Variants in TAPBPL observed in about 807,000 individuals in gnomAD.
TAPBPL encodes the protein TAP binding protein like.
A neutral mutation model predicts 44.8 loss-of-function variants in TAPBPL; 32 were observed. The ratio of observed to expected loss-of-function variants is 0.71; its 90% CI spans 0.54 to 0.96. TAPBPL has a LOEUF of 0.96. TAPBPL is among the 40% of genes least tolerant of loss of function. TAPBPL has a pLI of 0.00. For missense variants in TAPBPL, 520 were observed against 586.6 expected, an observed-to-expected ratio of 0.89 and a Z score of 1.17; for synonymous variants, 230 against 240.7, an observed-to-expected ratio of 0.96 and a Z score of 0.41.
At position 6,460,894 on chromosome 12, in the gene TAPBPL, T is replaced by C; in HGVS notation, c.1247T>C (p.Leu416Pro). 2 of 1,614,114 alleles carry C rather than the reference T, an allele frequency of 1.2e-6. No homozygotes were observed. ...TALGVIFASSLFLLALMFLGL... is the reference protein window; with the variant it reads ...TALGVIFASSPFLLALMFLGL... Reference sequence around the variant, plus strand: ...TTGGGAGTCATCTTTGCCAGCAGTCTCTTCCTTCTTGCACTGATGTTCCTG... The same window carrying C: ...TTGGGAGTCATCTTTGCCAGCAGTCCCTTCCTTCTTGCACTGATGTTCCTG... The change falls in exon 6 of 7, where the codon CTC (leucine) becomes CCC (proline). Residue 416 changes from leucine to proline, a missense_variant. Coordinates refer to ENST00000266556, the MANE Select transcript of TAPBPL (RefSeq NM_018009.5).
intron 4 of TAPBPL, 44 bp from the exon 5 acceptor site, chr12:6,458,601 C>G (rs747638148): frequency 6.3e-7 from 1 of 1,597,720 alleles, no homozygotes; most frequent in South Asian, 1.1e-5. Flanking sequence ...TCCGCTGTCC[C>G]CAGTTAGATC....
downstream of TAPBPL, chr12:6,463,128 C>T: frequency 6.7e-7 from 1 of 1,489,800 alleles, no homozygotes; most frequent in South Asian, 1.3e-5. The surrounding 1 kb of genome is among the most constrained non-coding windows in gnomAD (Gnocchi z 4.0). Context: ...AGATCCCATC[C>T]TCAGGTTCCA....
At chr12:6,471,810 G>C in the TAPBPL span, among the ~76,000 whole-genome samples, 1 of 145,696 alleles carries the variant, frequency 6.9e-6, no homozygotes, top group Non-Finnish European at 1.5e-5. This position sits in a 1 kb window ranked among gnomAD's most constrained non-coding sequence, Gnocchi z 4.0. Context: ...CTGGGCAACA[G>C]AGCAAGACCC....
At chr12:6,462,672 G>A (rs755802125), downstream of TAPBPL, 1 of 785,498 alleles carries the variant, frequency 1.3e-6, no homozygotes, top group Non-Finnish European at 2.0e-6. Flanking sequence ...GGCTGGGAGA[G>A]CCAAGAGGAC....
At position 6,462,311 on chromosome 12, in the gene TAPBPL, G is replaced by T; in HGVS notation, c.*162G>T. 1 of 600,494 alleles carries T rather than the reference G, an allele frequency of 1.7e-6. No individual in the cohort carries two copies. Among genetic ancestry groups the T allele is most frequent in the Non-Finnish European group, 2.9e-6 (1 of 340,004 alleles). 37.2% of individuals were successfully genotyped at this position (600,494 alleles called of 1,614,324 possible). On this transcript the variant is annotated 3_prime_UTR_variant, in exon 7 of 7. Transcript: ENST00000266556. ...TTGGTAAATATGCCACATGCCTTTGGTGGAAGTACAACTGTTGTTATTACT... is the reference window on the plus strand; with the variant it reads ...TTGGTAAATATGCCACATGCCTTTGTTGGAAGTACAACTGTTGTTATTACT...
At chr12:6,468,481 G>T (rs1486426175), downstream of TAPBPL, among the ~76,000 whole-genome samples, 1 of 152,162 alleles carries the variant, frequency 6.6e-6, no homozygotes, top group Non-Finnish European at 1.5e-5. Flanking sequence ...GGGGCCCAAA[G>T]CAATTACATT....
intron 4 of TAPBPL, among the ~76,000 whole-genome samples, chr12:6,458,045 C>A (rs1448838133): frequency 3.3e-5 from 5 of 152,206 alleles, no homozygotes; most frequent in East Asian, 1.9e-4. Context: ...CAAACCAAGG[C>A]AGAGCAGTGG....
the TAPBPL span, among the ~76,000 whole-genome samples, chr12:6,472,000 C>G: frequency 6.6e-6 from 1 of 152,104 alleles, no homozygotes; most frequent in Non-Finnish European, 1.5e-5. The surrounding 1 kb of genome is among the most constrained non-coding windows in gnomAD (Gnocchi z 4.0). Flanking sequence ...GGTAACTATC[C>G]CTAAAACTTC....
chr12:6,457,382 T>G (rs1247322685), intron 3 of TAPBPL, 24 bp from the exon 4 acceptor site: 1 of 1,596,590 alleles, frequency 6.3e-7, no homozygotes, highest in Non-Finnish European at 8.6e-7. Context: ...AGCCCACAAA[T>G]CACCCCTCTT....
chr12:6,461,450 G>A lies in TAPBPL; in HGVS notation c.1291+512G>A, dbSNP rs865859848. The A allele has an allele frequency of 5.0e-6, 5 of 999,922 alleles. No homozygotes were observed. In the South Asian group the frequency reaches 1.6e-4, roughly 33 times the overall value. The allele number at this position is 999,922 out of a possible 1,614,324, so 61.9% of individuals were successfully genotyped here. A position where few individuals can be genotyped will look rare whatever the true frequency, so the allele number is the denominator to read the frequency against. Reference sequence around the variant, plus strand: ...GGAAATGGAGAAGGAACAAGTGAGGGACAATGAGGCATGGGTTGGGGCTGG... The same window carrying A: ...GGAAATGGAGAAGGAACAAGTGAGGAACAATGAGGCATGGGTTGGGGCTGG... On this transcript the variant is annotated intron_variant, in intron 6 of 6. Coordinates refer to ENST00000266556, the MANE Select transcript of TAPBPL (RefSeq NM_018009.5).
At chr12:6,470,662 T>A (rs1013326450), downstream of TAPBPL, 10 of 1,239,274 alleles carry the variant, frequency 8.1e-6, no homozygotes, top group Non-Finnish European at 1.2e-5. Context: ...GCGGTCTAGC[T>A]GCGCTGGAAC....
At chr12:6,464,815 C>T, downstream of TAPBPL, 8 of 1,604,716 alleles carry the variant, frequency 5.0e-6, no homozygotes, top group Non-Finnish European at 6.8e-6. Context: ...ACTCCCCAGG[C>T]AGGCAGGCAG....
Position 6,455,187 on chromosome 12 carries a change from A to G in TAPBPL, c.565+1471A>G, listed in dbSNP as rs147369636. On this transcript the variant is annotated intron_variant, in intron 3 of 6. Coordinates refer to ENST00000266556, the MANE Select transcript of TAPBPL (RefSeq NM_018009.5). ...CTCCCCCGACTCCTCATGTGTGTAT[A>G]TGTGTACGTGTGTATTTTCCTCTGA... Among the ~76,000 whole-genome samples the G allele has an allele frequency of 4.9e-3, 746 of 152,286 alleles. 4 individuals are homozygous for G. Among genetic ancestry groups the G allele is most frequent in the Middle Eastern group, 0.017 (5 of 294 alleles).
chr12:6,459,180 A>G (rs1949781010), intron 5 of TAPBPL, among the ~76,000 whole-genome samples: 1 of 152,208 alleles, frequency 6.6e-6, no homozygotes, highest in Admixed American at 6.5e-5. Context: ...CAATGTGCTT[A>G]AGGCTGGAGA....
downstream of TAPBPL, chr12:6,464,968 C>A: frequency 6.2e-7 from 1 of 1,612,756 alleles, no homozygotes; most frequent in Non-Finnish European, 8.5e-7. Flanking sequence ...AAAAAATGAG[C>A]CCTTGGATTT....
At position 6,453,131 on chromosome 12, in the gene TAPBPL, G is replaced by A. The variant is rs1949605696; in HGVS notation, c.129G>A (p.Lys43=). 1.3e-6 allele frequency: 2 copies of A among 1,593,066 alleles called. No individual in the cohort carries two copies. Among genetic ancestry groups the A allele is most frequent in the Non-Finnish European group, 1.7e-6 (2 of 1,170,302 alleles). The part of the protein sequence containing the change: ...VDVVLDCFLA[K]DGAHRGALAS... ...TGGTCCTAGACTGCTTCCTGGCGAA[G>A]GACGGTGCGCACCGTGGAGCTCTCG... Residue 43 remains lysine (K), a synonymous_variant, in exon 2 of 7, where the codon AAG becomes AAA. Transcript: ENST00000266556. The surrounding 1 kb of genome is among the most constrained non-coding windows in gnomAD (Gnocchi z 4.8).
chr12:6,470,626 A>T (rs1016065420), downstream of TAPBPL: 21 of 1,544,082 alleles, frequency 1.4e-5, 1 homozygote, highest in Middle Eastern at 1.9e-3. Flanking sequence ...CGGAACTGCC[A>T]AGCTCCGCCT....
chr12:6,452,940 A>G, intron 1 of TAPBPL, 127 bp from the exon 2 acceptor site: 1 of 1,000,616 alleles, frequency 1.0e-6, no homozygotes, highest in Non-Finnish European at 1.4e-6. Flanking sequence ...AGGGACACAG[A>G]AACAGCTAGG....
At chr12:6,452,921 G>A (rs1949595229) in intron 1 of TAPBPL, 146 bp from the exon 2 acceptor site, 1 of 853,994 alleles carries the variant, frequency 1.2e-6, no homozygotes, top group Non-Finnish European at 1.8e-6. Context: ...GGGGATGACG[G>A]GAGAATAGAG....
Sources: allele counts gnomAD v4.1 joint callset (sites outside exome capture counted in the v4.1 genomes callset), GRCh38; gene constraint gnomAD v4.1.1; non-coding constraint Gnocchi (gnomAD v3.1); transcripts MANE v1.5; gene names NCBI Gene and HGNC (gene_info 2026-07-23, HGNC 2026-07-21).